The following RAI14 variants were observed in gnomAD, a reference collection of about 807,000 sequenced individuals.
RAI14 encodes ankycorbin.
RAI14 carries 45 observed loss-of-function variants against 115.4 expected under a neutral mutation model. The ratio of observed to expected loss-of-function variants is 0.39; its 90% CI spans 0.31 to 0.50. The LOEUF is 0.50. RAI14 is among the 20% of genes least tolerant of loss of function. The probability of loss-of-function intolerance (pLI) is 0.85; values close to 1 mark genes in which losing one functional copy is unlikely to be tolerated. For synonymous variants in RAI14, 371 were observed against 415.4 expected, an observed-to-expected ratio of 0.89 and a Z score of 1.30; for missense variants, 939 against 1,131.2, an observed-to-expected ratio of 0.83 and a Z score of 2.44.
intron 3 of RAI14, among the ~76,000 whole-genome samples, chr5:34,787,414 G>A (rs1752426755): frequency 6.6e-6 from 1 of 152,196 alleles, no homozygotes; most frequent in African/African-American, 2.4e-5. Flanking sequence ...ATTAAGGAAG[G>A]AATGAAGTAC....
At chr5:34,690,189 C>G (rs1738391680) in intron 2 of RAI14, among the ~76,000 whole-genome samples, 1 of 152,146 alleles carries the variant, frequency 6.6e-6, no homozygotes, top group Non-Finnish European at 1.5e-5. Context: ...AGCTTACAAA[C>G]ATTTACATTC....
chr5:34,662,118 AT>A (rs1460575707), intron 1 of RAI14, among the ~76,000 whole-genome samples: 3 of 152,146 alleles, frequency 2.0e-5, no homozygotes, highest in African/African-American at 7.2e-5. Flanking sequence ...CAAACAGTGT[AT>A]TTTGTTGGAT....
chr5:34,713,462 C>G (rs946187970), intron 2 of RAI14, among the ~76,000 whole-genome samples: 2 of 152,050 alleles, frequency 1.3e-5, no homozygotes, highest in Non-Finnish European at 2.9e-5. Context: ...CTGGACTCAA[C>G]AGTACTTTCT....
At chr5:34,673,819 C>T (rs1390883046) in intron 1 of RAI14, among the ~76,000 whole-genome samples, 2 of 152,202 alleles carry the variant, frequency 1.3e-5, no homozygotes, top group African/African-American at 4.8e-5. Flanking sequence ...TACCAGGCTC[C>T]TGGTTTCCCA....
At chr5:34,799,334 A>C (rs914112742) in intron 4 of RAI14, among the ~76,000 whole-genome samples, 1 of 152,186 alleles carries the variant, frequency 6.6e-6, no homozygotes, top group South Asian at 2.1e-4. Context: ...TAGCTTTTAC[A>C]GGTATTGTCT....
At chr5:34,764,890 T>C (rs1749146359) in intron 3 of RAI14, among the ~76,000 whole-genome samples, 1 of 152,194 alleles carries the variant, frequency 6.6e-6, no homozygotes, top group South Asian at 2.1e-4. Context: ...TCATCTTGAA[T>C]TGTACTCCCA....
At chr5:34,671,805 G>T (rs1355846011) in intron 1 of RAI14, among the ~76,000 whole-genome samples, 1 of 152,096 alleles carries the variant, frequency 6.6e-6, no homozygotes, top group African/African-American at 2.4e-5. Flanking sequence ...ATCTCAATTT[G>T]CACTAGTCAT....
intron 2 of RAI14, among the ~76,000 whole-genome samples, chr5:34,695,536 C>T (rs1561247538): frequency 6.6e-6 from 1 of 150,618 alleles, no homozygotes; most frequent in Non-Finnish European, 1.5e-5. Context: ...GAGGTGTATA[C>T]TGTAGGTGTA....
chr5:34,728,549 A>ACCAT, intron 2 of RAI14: 1 of 152,084 alleles, frequency 6.6e-6, no homozygotes, highest in Non-Finnish European at 1.5e-5. Context: ...GGTTTTATAA[A>ACCAT]GGGGAGCTCC....
intron 2 of RAI14, among the ~76,000 whole-genome samples, chr5:34,748,298 CTCA>C (rs1245316952): frequency 6.6e-6 from 1 of 152,140 alleles, no homozygotes; most frequent in Non-Finnish European, 1.5e-5. Context: ...TTTAGATAAA[CTCA>C]TCAGGTATTG....
intron 3 of RAI14, among the ~76,000 whole-genome samples, chr5:34,765,681 G>C (rs532462137): frequency 3.9e-5 from 6 of 152,320 alleles, no homozygotes; most frequent in African/African-American, 1.4e-4. Context: ...CTGACTATTA[G>C]ATAGAAAAGA....
chr5:34,789,489 G>A (rs188255554), intron 3 of RAI14, among the ~76,000 whole-genome samples: 19 of 152,330 alleles, frequency 1.2e-4, no homozygotes, highest in Admixed American at 2.6e-4. Context: ...AAGTGTGGGC[G>A]TTAGACAAGG....
intron 14 of RAI14, among the ~76,000 whole-genome samples, chr5:34,822,664 C>CTTTTTTTTT (rs143092935): frequency 8.4e-5 from 4 of 47,564 alleles, no homozygotes; most frequent in African/African-American, 1.3e-4. Context: ...CCTTTGGTAT[C>CTTTTTTTTT]TTTTTTTTTT....
intron 14 of RAI14, among the ~76,000 whole-genome samples, chr5:34,822,653 G>A (rs1453053964): frequency 6.4e-5 from 8 of 124,978 alleles, no homozygotes; most frequent in East Asian, 5.5e-4. Context: ...AGCTAACCAC[G>A]CCTTTGGTAT....
chr5:34,803,834 C>A, intron 5 of RAI14, 58 bp downstream of exon 5: 1 of 1,479,868 alleles, frequency 6.8e-7, no homozygotes, highest in Non-Finnish European at 9.4e-7. Context: ...TGAAAGTAAT[C>A]ATATTTGTGA....
At chr5:34,754,263 T>C (rs548213054) in intron 2 of RAI14, among the ~76,000 whole-genome samples, 1 of 152,246 alleles carries the variant, frequency 6.6e-6, no homozygotes, top group African/African-American at 2.4e-5. Context: ...ATTGCAAGTA[T>C]GATTAGTGGC....
chr5:34,767,938 G>A (rs1749634859), intron 3 of RAI14, among the ~76,000 whole-genome samples: 1 of 149,940 alleles, frequency 6.7e-6, no homozygotes, highest in African/African-American at 2.5e-5. Context: ...ATGTAGGGCT[G>A]GGACCCCCTC....
chr5:34,664,515 T>C (rs987190349), intron 1 of RAI14, among the ~76,000 whole-genome samples: 2 of 152,044 alleles, frequency 1.3e-5, no homozygotes, highest in African/African-American at 2.4e-5. Flanking sequence ...TTATATTACC[T>C]TTTAAAGCTC....
intron 3 of RAI14, among the ~76,000 whole-genome samples, chr5:34,778,396 A>T (rs11952979): frequency 0.027 from 4,117 of 152,228 alleles, 196 homozygotes; most frequent in African/African-American, 0.094. Context: ...GCTACATCAG[A>T]ATCTGGATAG....
Sources: gnomAD v4.1 joint callset for allele counts (sites outside exome capture counted in the v4.1 genomes callset) on GRCh38, gnomAD v4.1.1 for gene constraint, MANE v1.5 for transcripts, NCBI Gene and HGNC (gene_info 2026-07-23, HGNC 2026-07-21) for gene names.